Variants in NPC1 observed in about 807,000 individuals in gnomAD.
NPC1 encodes NPC intracellular cholesterol transporter 1.
Under a neutral mutation model 140.4 loss-of-function variants are expected in NPC1, and 85 were observed. That is an observed-to-expected ratio of 0.61 (90% CI 0.51 to 0.72). NPC1 has a LOEUF of 0.72. NPC1 is among the 30% of genes least tolerant of loss of function. The pLI is 0.00. For missense variants in NPC1, 1,504 were observed against 1,623.8 expected, an observed-to-expected ratio of 0.93 and a Z score of 1.27; for synonymous variants, 656 against 624.8, an observed-to-expected ratio of 1.05 and a Z score of -0.74.
intron 1 of NPC1, among the ~76,000 whole-genome samples, chr18:23,584,406 A>C (rs2059391167): frequency 6.6e-6 from 1 of 152,250 alleles, no homozygotes; most frequent in Admixed American, 6.5e-5. Flanking sequence ...AAATAATAAT[A>C]GGATTATTTC....
chr18:23,516,109 CG>C (rs1383070216), intron 3 of NPC1: 16 of 1,493,506 alleles, frequency 1.1e-5, no homozygotes, highest in Admixed American at 3.6e-5. Flanking sequence ...GTAACGTCAC[CG>C]CTCTGACCAC....
At chr18:23,525,079 T>C (rs2058257940), downstream of NPC1, among the ~76,000 whole-genome samples, 2 of 150,486 alleles carry the variant, frequency 1.3e-5, no homozygotes, top group African/African-American at 2.4e-5. Flanking sequence ...CCTGAATAGC[T>C]GGGATTACAG....
At chr18:23,536,376 G>T (rs371950641) in intron 21 of NPC1, among the ~76,000 whole-genome samples, 1 of 152,188 alleles carries the variant, frequency 6.6e-6, no homozygotes, top group Non-Finnish European at 1.5e-5. Context: ...GCTCTGAGCC[G>T]CCTGCTCTCC....
chr18:23,543,478 G>A lies in NPC1; in HGVS notation c.2222C>T (p.Ser741Phe). The change falls in exon 14 of 25, where the codon TCT becomes TTT. Residue 741 changes from serine (S) to phenylalanine (F), a missense_variant. Physicochemically the swap from Ser to Phe is radical, Grantham distance 155 (BLOSUM62 -2). Transcript: ENST00000269228. ...ACCTAAGAAAAATGCTACAGTCTCA[G>A]AAAAGGATGACAGGAACATACTGGG... is the stretch of plus-strand genomic sequence containing the variant. The part of the protein sequence containing the change: ...VAPSMFLSSF[S>F]ETVAFFLGAL... The A allele has an allele frequency of 4.4e-6, 7 of 1,608,286 alleles. No homozygotes were observed. The highest frequency in any genetic ancestry group is 6.0e-6 in the Non-Finnish European group (7 of 1,175,662).
rs552676422 is a variant in NPC1, at chr18:23,576,183, C to T, written c.58-2609G>A. 4.0e-5 allele frequency among the ~76,000 whole-genome samples: 6 copies of T among 151,898 alleles called. No individual in the cohort carries two copies. The East Asian group carries it at 1.2e-3, about 29-fold the overall frequency. ...AGGTTGTGGTGAGCCAAGATTGTGC[C>T]ATTACACTCCAGCCTGGGCAACAAG... On this transcript the variant is annotated intron_variant, in intron 1 of 24. Transcript: ENST00000269228.
intron 14 of NPC1, among the ~76,000 whole-genome samples, chr18:23,542,256 C>CTTT (rs10711695): frequency 7.3e-6 from 1 of 137,246 alleles, no homozygotes; most frequent in Non-Finnish European, 1.6e-5. Context: ...AAAGTTTTTT[C>CTTT]TTTTTTTTTT....
At chr18:23,576,272 T>G (rs1234334352) in intron 1 of NPC1, among the ~76,000 whole-genome samples, 1 of 151,826 alleles carries the variant, frequency 6.6e-6, no homozygotes, top group African/African-American at 2.4e-5. Context: ...CAGCCAAAAA[T>G]TAGCCGAGCC....
Position 23,538,732 on chromosome 18 carries a change from A to G in NPC1, c.2912-61T>C, listed in dbSNP as rs548753601. ...TAGGTCTCCAGATTTTTTGTAAAAC[A>G]TTTTAAAATACTGACAGTGAGGGGC... is the stretch of plus-strand genomic sequence containing the variant. On this transcript the variant is annotated intron_variant, in intron 19 of 24. Coordinates refer to ENST00000269228, the MANE Select transcript of NPC1 (RefSeq NM_000271.5). 1.9e-5 allele frequency: 29 copies of G among 1,562,078 alleles called. 1 individual carries two copies. The East Asian group carries it at 4.3e-4, about 23-fold the overall frequency.
intron 9 of NPC1, among the ~76,000 whole-genome samples, chr18:23,554,090 C>T (rs8089837): frequency 0.01 from 1,587 of 152,258 alleles, 30 homozygotes; most frequent in African/African-American, 0.037. Flanking sequence ...TCACACACCA[C>T]GAGAGCTTCC....
At chr18:23,538,273 G>C (rs1210375283) in intron 20 of NPC1, among the ~76,000 whole-genome samples, 1 of 152,232 alleles carries the variant, frequency 6.6e-6, no homozygotes, top group Non-Finnish European at 1.5e-5. Flanking sequence ...ATGTGCACAG[G>C]AATCTGCGTT....
chr18:23,520,146 G>A (rs962145255), downstream of NPC1: 2 of 1,355,096 alleles, frequency 1.5e-6, no homozygotes, highest in Non-Finnish European at 2.1e-6. Flanking sequence ...TGGAATGAAA[G>A]CAACTGGGCA....
At chr18:23,584,546 T>TA (rs1244552550) in intron 1 of NPC1, among the ~76,000 whole-genome samples, 10 of 152,152 alleles carry the variant, frequency 6.6e-5, no homozygotes, top group Admixed American at 6.5e-4. Context: ...ACTTGAGATT[T>TA]AAAAAATACT....
chr18:23,532,386 C>T (rs2058541672), intron 24 of NPC1, 102 bp from the exon 25 acceptor site: 2 of 1,301,272 alleles, frequency 1.5e-6, no homozygotes, highest in African/African-American at 2.9e-5. Context: ...AAGACTGAGG[C>T]AGGAGAATTG....
At chr18:23,585,120 A>G (rs2059401717) in intron 1 of NPC1, among the ~76,000 whole-genome samples, 1 of 152,112 alleles carries the variant, frequency 6.6e-6, no homozygotes, top group Non-Finnish European at 1.5e-5. Flanking sequence ...TCTCTACGGC[A>G]CATAATTGCT....
At chr18:23,570,178 C>CA (rs2059180756) in intron 3 of NPC1, among the ~76,000 whole-genome samples, 1 of 152,214 alleles carries the variant, frequency 6.6e-6, no homozygotes, top group Non-Finnish European at 1.5e-5. Context: ...ACACAGTTTT[C>CA]AAACCTTTTC....
At position 23,541,137 on chromosome 18, in the gene NPC1, G is replaced by C. The variant is rs767708998; in HGVS notation, c.2445C>G (p.Ser815Arg). 1 of 1,614,022 alleles carries C rather than the reference G, an allele frequency of 6.2e-7. No individual in the cohort carries two copies. The highest frequency in any genetic ancestry group is 8.5e-7 in the Non-Finnish European group (1 of 1,180,002). ...EDGTSVQASE[S>R]CLFRFFKNSY... ...AGTTTTTGAAGAAGCGAAACAAACA[G>C]CTCTCTGAGGCCTGGACGCTTGTTC... The change falls in exon 16 of 25, where the codon AGC becomes AGG. Residue 815 changes from serine to arginine, a missense_variant. Transcript: ENST00000269228.
chr18:23,541,038 GA>G, intron 16 of NPC1, 29 bp downstream of exon 16: 1 of 1,612,746 alleles, frequency 6.2e-7, no homozygotes, highest in South Asian at 1.1e-5. Flanking sequence ...TCAGTGAGAG[GA>G]AAGAGAAAAA....
downstream of NPC1, chr18:23,526,621 G>C (rs1428000815): frequency 6.2e-7 from 1 of 1,612,672 alleles, no homozygotes; most frequent in Non-Finnish European, 8.5e-7. Flanking sequence ...TTTATTTGCT[G>C]CCTCTTAAAA....
chr18:23,519,058 C>A (rs986556734), downstream of NPC1: 2 of 1,613,486 alleles, frequency 1.2e-6, no homozygotes, highest in Non-Finnish European at 1.7e-6. Flanking sequence ...TTTTTGCTTT[C>A]TATCCTACAG....
Sources: gnomAD v4.1 joint callset for allele counts (sites outside exome capture counted in the v4.1 genomes callset) on GRCh38, gnomAD v4.1.1 for gene constraint, MANE v1.5 for transcripts, NCBI Gene and HGNC (gene_info 2026-07-23, HGNC 2026-07-21) for gene names.